LNPK: variants seen among roughly 807,000 people sequenced by gnomAD.
LNPK encodes lunapark, ER junction formation factor, also known as endoplasmic reticulum junction formation protein lunapark.
In LNPK, 29 loss-of-function variants were observed where a neutral mutation model predicts 55.2. The observed-to-expected ratio is 0.53, with a 90% CI of 0.39 to 0.72. The LOEUF (loss-of-function observed/expected upper bound fraction) is 0.72. LNPK is among the 30% of genes least tolerant of loss of function. The pLI is 0.00. For synonymous variants in LNPK, 162 were observed against 168.2 expected, an observed-to-expected ratio of 0.96 and a Z score of 0.29; for missense variants, 467 against 494.8, an observed-to-expected ratio of 0.94 and a Z score of 0.53.
intron 2 of LNPK, chr2:175,994,425 T>C (rs1027348548): frequency 2.0e-6 from 1 of 495,752 alleles, no homozygotes; most frequent in Admixed American, 6.4e-5. Flanking sequence ...CAAGTATAGT[T>C]AGACTCTATT....
intron 4 of LNPK, among the ~76,000 whole-genome samples, chr2:175,988,936 G>C (rs1019149053): frequency 1.3e-5 from 2 of 151,924 alleles, no homozygotes; most frequent in African/African-American, 4.8e-5. Context: ...ACCGTGCTGG[G>C]CTAATTTTTT....
intron 2 of LNPK, chr2:175,994,172 C>G: frequency 1.0e-6 from 1 of 979,576 alleles, no homozygotes; most frequent in African/African-American, 1.8e-5. Context: ...TAATGAATAT[C>G]AGTTCATTGT....
intron 4 of LNPK, among the ~76,000 whole-genome samples, chr2:175,991,656 C>T (rs908018621): frequency 2.0e-5 from 3 of 152,126 alleles, no homozygotes; most frequent in Admixed American, 2.0e-4. Flanking sequence ...TACCATACAC[C>T]ATTATAATCC....
At chr2:175,998,998 A>T (rs186858981) in intron 1 of LNPK, among the ~76,000 whole-genome samples, 1 of 152,208 alleles carries the variant, frequency 6.6e-6, no homozygotes, top group Admixed American at 6.5e-5. Flanking sequence ...GAAGCAAGGG[A>T]TTATGCTTTT....
chr2:175,943,214 T>TAA (rs5836521), intron 9 of LNPK, among the ~76,000 whole-genome samples: 11 of 138,026 alleles, frequency 8.0e-5, no homozygotes, highest in Non-Finnish European at 1.7e-4. Flanking sequence ...AATTTTTAGT[T>TAA]AAAAAAAAAA....
chr2:175,979,954 A>G, intron 4 of LNPK, 86 bp from the exon 5 acceptor site: 1 of 1,244,416 alleles, frequency 8.0e-7, no homozygotes, highest in Non-Finnish European at 1.1e-6. Context: ...ATATATTTCC[A>G]ATTAGAGTTA....
At chr2:175,991,688 C>A (rs1255042440) in intron 4 of LNPK, among the ~76,000 whole-genome samples, 3 of 152,098 alleles carry the variant, frequency 2.0e-5, no homozygotes, top group Non-Finnish European at 4.4e-5. Context: ...AACTGGTACC[C>A]ATAAATGCTT....
chr2:175,933,112 C>T (rs950946976), intron 12 of LNPK, among the ~76,000 whole-genome samples: 6 of 152,056 alleles, frequency 3.9e-5, no homozygotes, highest in African/African-American at 1.2e-4. Context: ...AATTTCTTTC[C>T]CCACTCCTGC....
chr2:175,960,300 T>C (rs748420607), intron 8 of LNPK, among the ~76,000 whole-genome samples: 5 of 152,124 alleles, frequency 3.3e-5, no homozygotes, highest in Non-Finnish European at 7.4e-5. Flanking sequence ...ATTGATCACA[T>C]AGTTGGAAAT....
At chr2:175,956,998 T>C (rs961150286) in intron 8 of LNPK, among the ~76,000 whole-genome samples, 3 of 152,144 alleles carry the variant, frequency 2.0e-5, no homozygotes, top group Non-Finnish European at 2.9e-5. Context: ...CATTATTCCA[T>C]ACCTTTTCTT....
intron 8 of LNPK, among the ~76,000 whole-genome samples, chr2:175,954,748 A>G (rs941920391): frequency 5.9e-5 from 9 of 152,210 alleles, no homozygotes; most frequent in African/African-American, 2.2e-4. Flanking sequence ...ATTTTATAAC[A>G]TTTAAACAAA....
At position 175,972,927 on chromosome 2, in the gene LNPK, T is replaced by C. The variant is rs76317963; in HGVS notation, c.317-2123A>G. 1.3e-3 allele frequency among the ~76,000 whole-genome samples: 199 copies of C among 152,334 alleles called. 4 individuals carry two copies. The East Asian group carries it at 0.035, about 27-fold the overall frequency. On this transcript the variant is annotated intron_variant, in intron 5 of 12. Transcript: ENST00000272748. ...GATTTAGAAACACAGAAATTTCCTT[T>C]GCACTTGCCTTGAGGTCTGAAAAAT...
chr2:175,970,185 G>A (rs1462464678), intron 6 of LNPK, among the ~76,000 whole-genome samples: 1 of 152,064 alleles, frequency 6.6e-6, no homozygotes, highest in Admixed American at 6.5e-5. Context: ...TATCTAGAGC[G>A]CCTTCTGTCT....
Position 175,929,368 on chromosome 2 carries a change from GA to G in LNPK, c.*598del. The G allele has an allele frequency of 1.0e-6, 1 of 985,748 alleles. No individual in the cohort carries two copies. Among genetic ancestry groups the G allele is most frequent in the East Asian group, 1.1e-4 (1 of 8,818 alleles). 61.1% of individuals were successfully genotyped at this position (985,748 alleles called of 1,614,324 possible). A position where few individuals can be genotyped will look rare whatever the true frequency, so the allele number is the denominator to read the frequency against. ...GACTGTTTCATTGCATTCTCACTGA[GA>G]ATTCGTACCAGTGCCAACGTAGTTA... On this transcript the variant is annotated 3_prime_UTR_variant, in exon 13 of 13. Coordinates refer to ENST00000272748, the MANE Select transcript of LNPK (RefSeq NM_030650.3).
intron 1 of LNPK, among the ~76,000 whole-genome samples, chr2:175,997,811 A>G (rs1010510734): frequency 2.6e-5 from 4 of 151,446 alleles, no homozygotes; most frequent in Non-Finnish European, 4.4e-5. Context: ...TCTTGGCTCA[A>G]TACAACCTCC....
At chr2:175,955,787 CTGAAA>C (rs1051979745) in intron 8 of LNPK, among the ~76,000 whole-genome samples, 87 of 152,280 alleles carry the variant, frequency 5.7e-4, no homozygotes, top group African/African-American at 1.9e-3. Context: ...CTAAAACCTA[CTGAAA>C]TAAGAAGTTG....
In LNPK at chr2:175,940,940, T is replaced by C. The variant is rs528282215; in HGVS notation, c.707-1283A>G. 99 of 454,196 alleles carry C rather than the reference T, an allele frequency of 2.2e-4. 2 individuals are homozygous for C. The highest frequency in any genetic ancestry group is 1.5e-3 in the South Asian group (94 of 64,452). 28.1% of individuals were successfully genotyped at this position (454,196 alleles called of 1,614,324 possible). A position where few individuals can be genotyped will look rare whatever the true frequency, so the allele number is the denominator to read the frequency against. On this transcript the variant is annotated intron_variant, in intron 9 of 12. Coordinates refer to ENST00000272748, the MANE Select transcript of LNPK (RefSeq NM_030650.3). ...AAAAAAACTGGTGAACTTTAAGACA[T>C]AGCAATAGAAACCATACAAAATGAC...
At chr2:175,938,033 C>T (rs1684637128) in intron 11 of LNPK, among the ~76,000 whole-genome samples, 1 of 152,084 alleles carries the variant, frequency 6.6e-6, no homozygotes, top group Non-Finnish European at 1.5e-5. Flanking sequence ...AAAGGAGACT[C>T]TTTGTAAATG....
chr2:175,961,546 C>A (rs1184682097), intron 8 of LNPK, among the ~76,000 whole-genome samples: 1 of 152,106 alleles, frequency 6.6e-6, no homozygotes, highest in East Asian at 1.9e-4. Flanking sequence ...ATTGATGGGA[C>A]GTGTCTCAAA....
Sources: gnomAD v4.1 joint callset for allele counts (sites outside exome capture counted in the v4.1 genomes callset) on GRCh38, gnomAD v4.1.1 for gene constraint, MANE v1.5 for transcripts, NCBI Gene and HGNC (gene_info 2026-07-23, HGNC 2026-07-21) for gene names.